The following NDRG4 variants were observed in gnomAD, a reference collection of about 807,000 sequenced individuals.
NDRG4 encodes protein NDRG4.
A neutral mutation model predicts 55.8 loss-of-function variants in NDRG4; 38 were observed. The ratio of observed to expected loss-of-function variants is 0.68; its 90% confidence interval spans 0.53 to 0.89. The LOEUF (loss-of-function observed/expected upper bound fraction) is 0.89. Among genes scored for constraint, NDRG4 ranks in the 40% least tolerant of loss-of-function variants. NDRG4 has a pLI of 0.00. For missense variants in NDRG4, 455 were observed against 468.6 expected (o/e 0.97, Z 0.27); for synonymous variants, 190 against 182.7 (o/e 1.04, Z -0.32).
intron 1 of NDRG4, among the ~76,000 whole-genome samples, chr16:58,466,212 C>T (rs1052697387): frequency 2.0e-5 from 3 of 152,180 alleles, no homozygotes; most frequent in African/African-American, 7.2e-5. Flanking sequence ...AGATGGGTTT[C>T]GCCATGTTGG....
chr16:58,506,931 C>G lies in NDRG4; in HGVS notation c.536C>G (p.Thr179Arg). 2 of 1,614,108 alleles carry G rather than the reference C, an allele frequency of 1.2e-6. No homozygotes were observed. The highest frequency in any genetic ancestry group is 1.1e-5 in the South Asian group (1 of 91,060). The change falls in exon 8 of 15, where the codon ACA becomes AGA. Residue 179 changes from threonine to arginine, a missense_variant. Coordinates refer to ENST00000570248, the MANE Select transcript of NDRG4 (RefSeq NM_001242835.2). ...LFSQEELVNN[T>R]ELVQSYRQQI... ...GCCTAGGAGGAGCTGGTGAACAACA[C>G]AGAGTTGGTGCAGAGCTACCGGCAG...
At chr16:58,505,144 TC>T (rs1023821212) in intron 5 of NDRG4, among the ~76,000 whole-genome samples, 86 of 152,156 alleles carry the variant, frequency 5.7e-4, no homozygotes, top group African/African-American at 2.0e-3. Flanking sequence ...GGTCAGGAGA[TC>T]AAGACCATCC....
downstream of NDRG4, among the ~76,000 whole-genome samples, chr16:58,515,075 C>G (rs1316626516): frequency 2.0e-5 from 3 of 152,194 alleles, no homozygotes; most frequent in Admixed American, 2.0e-4. Flanking sequence ...GAAACACACA[C>G]GAAAACTGCT....
intron 13 of NDRG4, 67 bp from the exon 14 acceptor site, chr16:58,510,578 C>G: frequency 7.3e-7 from 1 of 1,373,384 alleles, no homozygotes. Context: ...ACTCAGCGGA[C>G]CACGCTCTTC....
chr16:58,467,715 A>C (rs945008930), intron 1 of NDRG4, among the ~76,000 whole-genome samples: 1 of 152,132 alleles, frequency 6.6e-6, no homozygotes, highest in Non-Finnish European at 1.5e-5. Context: ...GCCGTTCCAC[A>C]CTTCATTTTC....
chr16:58,498,968 C>G (rs906299038), upstream of NDRG4, among the ~76,000 whole-genome samples: 1 of 152,086 alleles, frequency 6.6e-6, no homozygotes, highest in African/African-American at 2.4e-5. Flanking sequence ...GCAGTTGCAA[C>G]GATAATACAT....
At chr16:58,504,063 C>G in intron 2 of NDRG4, 91 bp from the exon 3 acceptor site, 3 of 1,594,266 alleles carry the variant, frequency 1.9e-6, no homozygotes, top group Non-Finnish European at 2.6e-6. Context: ...CCGAGGCTTA[C>G]ACTTCTGCCT....
intron 1 of NDRG4, among the ~76,000 whole-genome samples, chr16:58,481,016 A>T (rs994407136): frequency 4.0e-5 from 6 of 151,896 alleles, no homozygotes; most frequent in South Asian, 2.1e-4. Context: ...CTTAAAAAAA[A>T]AAAAAAAAAG....
chr16:58,469,441 G>A (rs1244768500), intron 1 of NDRG4, among the ~76,000 whole-genome samples: 2 of 152,166 alleles, frequency 1.3e-5, no homozygotes, highest in Non-Finnish European at 2.9e-5. Context: ...GGGCAAGTTG[G>A]CAATGATGTA....
At position 58,511,716 on chromosome 16, in the gene NDRG4, A is replaced by G; in HGVS notation, c.*140A>G. On this transcript the variant is annotated 3_prime_UTR_variant, in exon 15 of 15. Coordinates refer to ENST00000570248, the MANE Select transcript of NDRG4 (RefSeq NM_001242835.2). Reference sequence around the variant, plus strand: ...TTTGAAAAAAATGAGGGGATCTTAGATGCTGCAGCAGAACAGTCTCCAGGT... The same window carrying G: ...TTTGAAAAAAATGAGGGGATCTTAGGTGCTGCAGCAGAACAGTCTCCAGGT... The G allele has an allele frequency of 1.0e-6, 1 of 986,840 alleles. No homozygotes were observed. The highest frequency in any genetic ancestry group is 1.6e-5 in the African/African-American group (1 of 62,396). The allele number at this position is 986,840 out of a possible 1,614,324, so 61.1% of individuals were successfully genotyped here. A position where few individuals can be genotyped will look rare whatever the true frequency, so the allele number is the denominator to read the frequency against.
intron 1 of NDRG4, among the ~76,000 whole-genome samples, chr16:58,476,940 C>T (rs929441447): frequency 1.3e-5 from 2 of 151,958 alleles, no homozygotes; most frequent in East Asian, 1.9e-4. Context: ...GGTAGCAGTT[C>T]TGACACTACT....
At chr16:58,488,577 C>T (rs2035407706) in intron 2 of NDRG4, among the ~76,000 whole-genome samples, 1 of 152,124 alleles carries the variant, frequency 6.6e-6, no homozygotes, top group South Asian at 2.1e-4. Context: ...GGACCCCCTT[C>T]TTTTACAGAT....
chr16:58,472,590 C>A (rs1225748647), intron 1 of NDRG4, among the ~76,000 whole-genome samples: 1 of 152,192 alleles, frequency 6.6e-6, no homozygotes, highest in Non-Finnish European at 1.5e-5. Flanking sequence ...TACGTTAGGT[C>A]TCTTGGGTGC....
rs1049080279 is a variant in NDRG4 at position 58,464,299 on chromosome 16, G to A, written c.-24+502G>A. ...GGGGCGGGAGAGCGCTCCTGGCTGTGAGCTGCTCCTGCCGCTTCGCTCCGC... is the reference window on the plus strand; with the variant it reads ...GGGGCGGGAGAGCGCTCCTGGCTGTAAGCTGCTCCTGCCGCTTCGCTCCGC... On this transcript the variant is annotated intron_variant, in intron 1 of 15. Coordinates refer to the NDRG4 transcript ENST00000258187. The surrounding 1 kb of genome is among the most constrained non-coding windows in gnomAD (Gnocchi z 4.8). The A allele has an allele frequency of 1.4e-6, 1 of 719,860 alleles. No homozygotes were observed. Among genetic ancestry groups the A allele is most frequent in the Non-Finnish European group, 2.0e-6 (1 of 503,076 alleles). 44.6% of individuals were successfully genotyped at this position (719,860 alleles called of 1,614,324 possible). A position where few individuals can be genotyped will look rare whatever the true frequency, so the allele number is the denominator to read the frequency against.
chr16:58,500,288 G>A lies in NDRG4; in HGVS notation c.21+19G>A, dbSNP rs745386043. The A allele has an allele frequency of 1.3e-6, 2 of 1,535,636 alleles. No homozygotes were observed. Among genetic ancestry groups the A allele is most frequent in the Non-Finnish European group, 8.7e-7 (1 of 1,146,784 alleles). Reference sequence around the variant, plus strand: ...GGATGGGGTGAGTGAGGGCGCTGCGGGCATCAAGGTGGGCCGGGAGGATGG... The same window carrying A: ...GGATGGGGTGAGTGAGGGCGCTGCGAGCATCAAGGTGGGCCGGGAGGATGG... On this transcript the variant is annotated intron_variant, in intron 1 of 14. Transcript: ENST00000570248.
chr16:58,472,103 A>G (rs80091417), intron 1 of NDRG4: 12,334 of 152,188 alleles, frequency 0.081, 825 homozygotes, highest in African/African-American at 0.18. Context: ...GGAAGCCAGC[A>G]GGCTCCCCTT....
At chr16:58,510,736 C>T (rs12597973) in intron 14 of NDRG4, 53 bp downstream of exon 14, 65 of 1,490,582 alleles carry the variant, frequency 4.4e-5, no homozygotes, top group African/African-American at 5.5e-5. Context: ...CCTCCTCCCC[C>T]GCTCCTTCCT....
intron 5 of NDRG4, chr16:58,506,133 C>CGAGTGTGTGTGTGTGTGTGTGTGT (rs2037939362): frequency 2.1e-6 from 1 of 465,762 alleles, no homozygotes; most frequent in Non-Finnish European, 3.9e-6. Flanking sequence ...GTTGAAAGAG[C>CGAGTGTGTGTGTGTGTGTGTGTGT]GTGTGTGTGT....
intron 1 of NDRG4, among the ~76,000 whole-genome samples, chr16:58,480,043 G>C (rs1272505141): frequency 6.6e-6 from 1 of 152,200 alleles, no homozygotes; most frequent in African/African-American, 2.4e-5. Flanking sequence ...GGTAGGATTT[G>C]AGAGGAAGGA....
Sources: allele counts gnomAD v4.1 joint callset (sites outside exome capture counted in the v4.1 genomes callset), GRCh38; gene constraint gnomAD v4.1.1; non-coding constraint Gnocchi (gnomAD v3.1); transcripts MANE v1.5; gene names NCBI Gene and HGNC (gene_info 2026-07-23, HGNC 2026-07-21).